Variants in NPL observed in about 807,000 individuals in gnomAD.
The protein encoded by NPL is N-acetylneuraminate pyruvate lyase.
Under a neutral mutation model 41.1 loss-of-function variants are expected in NPL, and 32 were observed. The observed-to-expected ratio is 0.78, with a 90% CI of 0.59 to 1.05. NPL has a LOEUF of 1.05. NPL is among the 50% of genes least tolerant of loss of function. The pLI is 0.00. For missense variants in NPL, 321 were observed against 378.4 expected, an observed-to-expected ratio of 0.85 and a Z score of 1.26; for synonymous variants, 128 against 134.9, an observed-to-expected ratio of 0.95 and a Z score of 0.35.
In NPL at chr1:182,829,627, A is replaced by G; in HGVS notation, c.*719A>G. 1.3e-6 allele frequency: 2 copies of G among 1,550,780 alleles called. No homozygotes were observed. The highest frequency in any genetic ancestry group is 1.4e-5 in the African/African-American group (1 of 73,172). ...GAAAACTCAAAACTCAAAGTTTCAA[A>G]GAACCAAAGGACTCTTCCTCTGGGC... On this transcript the variant is annotated 3_prime_UTR_variant, in exon 13 of 13. Transcript: ENST00000367553.
intron 2 of NPL, 136 bp from the exon 3 acceptor site, chr1:182,794,220 C>A: frequency 1.2e-6 from 1 of 800,174 alleles, no homozygotes; most frequent in Non-Finnish European, 2.2e-6. Context: ...AAAATTTTAC[C>A]ATCTTGTACT....
At chr1:182,810,395 C>G (rs1667141914) in intron 5 of NPL, among the ~76,000 whole-genome samples, 1 of 152,150 alleles carries the variant, frequency 6.6e-6, no homozygotes, top group Admixed American at 6.6e-5. Flanking sequence ...AGGACTAGTT[C>G]CTGGTTTTAC....
At chr1:182,814,040 T>TC (rs1332688036) in intron 6 of NPL, among the ~76,000 whole-genome samples, 1 of 152,238 alleles carries the variant, frequency 6.6e-6, no homozygotes, top group Non-Finnish European at 1.5e-5. Context: ...AAGGCCCTTT[T>TC]CCCTTTTTAG....
chr1:182,829,777 C>A lies in NPL; in HGVS notation c.*869C>A. On this transcript the variant is annotated 3_prime_UTR_variant, in exon 13 of 13. Coordinates refer to ENST00000367553, the MANE Select transcript of NPL (RefSeq NM_030769.3). ...GGGCTAATGTTATTATCCTGTCACACTTGCAACTAGTGACTTTTGTTTAGT... is the reference window on the plus strand; with the variant it reads ...GGGCTAATGTTATTATCCTGTCACAATTGCAACTAGTGACTTTTGTTTAGT... 1.3e-6 allele frequency: 1 copy of A among 766,578 alleles called. No individual in the cohort carries two copies. The highest frequency in any genetic ancestry group is 2.2e-6 in the Non-Finnish European group (1 of 459,008). The allele number at this position is 766,578 out of a possible 1,614,324, so 47.5% of individuals were successfully genotyped here.
intron 5 of NPL, among the ~76,000 whole-genome samples, chr1:182,811,831 G>A (rs1003994941): frequency 1.3e-5 from 2 of 152,144 alleles, no homozygotes; most frequent in African/African-American, 4.8e-5. Flanking sequence ...CCTACAGAAA[G>A]GAAGAAATGA....
chr1:182,812,837 T>G (rs1166918925), intron 6 of NPL, among the ~76,000 whole-genome samples: 5 of 151,956 alleles, frequency 3.3e-5, no homozygotes, highest in African/African-American at 1.2e-4. Flanking sequence ...GGGGTTAAAG[T>G]TCCTGGCAGA....
Position 182,829,148 on chromosome 1 carries a change from G to T in NPL, c.*240G>T. On this transcript the variant is annotated 3_prime_UTR_variant, in exon 13 of 13. Coordinates refer to ENST00000367553, the MANE Select transcript of NPL (RefSeq NM_030769.3). Reference sequence around the variant, plus strand: ...CAGATTTTTTTGTGGAGAAATTTCTGTTTATATGGATGAAATGGAATCAAG... The same window carrying T: ...CAGATTTTTTTGTGGAGAAATTTCTTTTTATATGGATGAAATGGAATCAAG... The T allele has an allele frequency of 7.3e-7, 1 of 1,361,234 alleles. No individual in the cohort carries two copies. Among genetic ancestry groups the T allele is most frequent in the Non-Finnish European group, 9.4e-7 (1 of 1,060,290 alleles). 84.3% of individuals were successfully genotyped at this position (1,361,234 alleles called of 1,614,324 possible).
chr1:182,797,770 A>G (rs569738085), intron 3 of NPL, among the ~76,000 whole-genome samples: 1 of 152,214 alleles, frequency 6.6e-6, no homozygotes, highest in South Asian at 2.1e-4. Context: ...TTATTTGTTT[A>G]TTATTACAAT....
chr1:182,803,539 A>G (rs1309905438), intron 3 of NPL, among the ~76,000 whole-genome samples, 159 bp from the exon 4 acceptor site: 2 of 151,034 alleles, frequency 1.3e-5, no homozygotes, highest in Non-Finnish European at 2.9e-5. Context: ...CAGGGGGGGA[A>G]AAAAACCCCA....
intron 11 of NPL, among the ~76,000 whole-genome samples, chr1:182,825,022 A>T (rs1667594575): frequency 6.6e-6 from 1 of 152,200 alleles, no homozygotes; most frequent in African/African-American, 2.4e-5. Context: ...CAGTTCTTTG[A>T]ACATTTTTTG....
At position 182,806,146 on chromosome 1, in the gene NPL, G is replaced by A; in HGVS notation, c.144G>A (p.Val48=). 6.2e-7 allele frequency: 1 copy of A among 1,614,226 alleles called. No homozygotes were observed. Among genetic ancestry groups the A allele is most frequent in the South Asian group, 1.1e-5 (1 of 91,080 alleles). ...VKEQGVKNIF[V]NGTTGEGLSL... ...CTGACTTACTCTTTGTTTGAACAGT[G>A]AATGGCACAACAGGAGAAGGCCTGT... Residue 48 remains valine, a splice_region_variant and synonymous_variant, in exon 5 of 13, where the codon GTG becomes GTA. Transcript: ENST00000367553.
intron 7 of NPL, among the ~76,000 whole-genome samples, 158 bp downstream of exon 7, chr1:182,815,016 G>C (rs995092795): frequency 3.3e-5 from 5 of 152,156 alleles, no homozygotes; most frequent in African/African-American, 1.2e-4. Context: ...TGCTCTCCCT[G>C]GATCCATAAA....
chr1:182,796,995 A>T (rs1666688388), intron 3 of NPL, among the ~76,000 whole-genome samples: 1 of 148,778 alleles, frequency 6.7e-6, no homozygotes, highest in Non-Finnish European at 1.5e-5. Flanking sequence ...AGATCATTCC[A>T]CTGCACTCTA....
chr1:182,796,259 G>A (rs1666664102), intron 3 of NPL, among the ~76,000 whole-genome samples: 1 of 151,134 alleles, frequency 6.6e-6, no homozygotes, highest in Admixed American at 6.6e-5. Flanking sequence ...AGGCATGTGA[G>A]CCATGTTAGT....
chr1:182,796,506 A>G (rs1666671343), intron 3 of NPL, among the ~76,000 whole-genome samples: 1 of 152,204 alleles, frequency 6.6e-6, no homozygotes, highest in African/African-American at 2.4e-5. Flanking sequence ...ACATATACAT[A>G]TCCTCCATAA....
rs1177070147 is a variant in NPL at position 182,830,369 on chromosome 1, AAG to A, written c.*1463_*1464del. 1.5e-4 allele frequency: 23 copies of A among 152,354 alleles called. No individual in the cohort carries two copies. Among genetic ancestry groups the A allele is most frequent in the African/African-American group, 4.8e-4 (20 of 41,584 alleles). The allele number at this position is 152,354 out of a possible 1,614,324, so 9.4% of individuals were successfully genotyped here. A position where few individuals can be genotyped will look rare whatever the true frequency, so the allele number is the denominator to read the frequency against. On this transcript the variant is annotated 3_prime_UTR_variant, in exon 13 of 13. Coordinates refer to ENST00000367553, the MANE Select transcript of NPL (RefSeq NM_030769.3). Reference sequence around the variant, plus strand: ...TTAATTCTTGGGTATCCAATAAACAAAGAACTATTTTTCTATTTTTGCTTTTG... The same window carrying A: ...TTAATTCTTGGGTATCCAATAAACAAAACTATTTTTCTATTTTTGCTTTTG...
intron 5 of NPL, among the ~76,000 whole-genome samples, chr1:182,807,597 C>T (rs933764841): frequency 1.3e-5 from 2 of 151,594 alleles, no homozygotes; most frequent in Non-Finnish European, 2.9e-5. Flanking sequence ...ACAGTACTGG[C>T]CGGGCATGGT....
chr1:182,829,230 C>G lies in NPL; in HGVS notation c.*322C>G. ...CTTTAGGAGCTCTCATTATCTCGGT[C>G]TCTGGTTCCTAATCCTATTTTAAAG... On this transcript the variant is annotated 3_prime_UTR_variant, in exon 13 of 13. Transcript: ENST00000367553. 8.3e-7 allele frequency: 1 copy of G among 1,202,776 alleles called. No individual in the cohort carries two copies. The highest frequency in any genetic ancestry group is 1.0e-6 in the Non-Finnish European group (1 of 965,916). The allele number at this position is 1,202,776 out of a possible 1,614,324, so 74.5% of individuals were successfully genotyped here.
At chr1:182,792,928 A>C (rs1230433301) in intron 2 of NPL, among the ~76,000 whole-genome samples, 3 of 152,250 alleles carry the variant, frequency 2.0e-5, no homozygotes, top group African/African-American at 4.8e-5. Flanking sequence ...AAACAAAACA[A>C]GATAGCTTAT....
Sources: gnomAD v4.1 joint callset for allele counts (sites outside exome capture counted in the v4.1 genomes callset) on GRCh38, gnomAD v4.1.1 for gene constraint, MANE v1.5 for transcripts, NCBI Gene and HGNC (gene_info 2026-07-23, HGNC 2026-07-21) for gene names.